Variants in PBX1 observed in about 807,000 individuals in gnomAD.
The protein encoded by PBX1 is pre-B-cell leukemia transcription factor 1.
Under a neutral mutation model 53.4 loss-of-function variants are expected in PBX1, and 6 were observed. The observed-to-expected ratio is 0.11, with a 90% CI of 0.06 to 0.22. PBX1 has a LOEUF of 0.22. Ranked by LOEUF, PBX1 falls within the 10% of genes least tolerant of loss-of-function variation. PBX1 has a pLI of 1.00. For missense variants in PBX1, 251 were observed against 551.4 expected (o/e 0.46, Z 5.46); for synonymous variants, 204 against 212.3 (o/e 0.96, Z 0.34).
intron 2 of PBX1, among the ~76,000 whole-genome samples, chr1:164,766,356 C>T (rs577516056): frequency 4.4e-4 from 67 of 152,260 alleles, no homozygotes; most frequent in African/African-American, 1.6e-3. Flanking sequence ...TTTACAGTTT[C>T]CAGAGCACTT....
At chr1:164,805,268 A>G (rs1027853456) in intron 4 of PBX1, among the ~76,000 whole-genome samples, 3 of 152,234 alleles carry the variant, frequency 2.0e-5, no homozygotes, top group Admixed American at 2.0e-4. Context: ...GCCAAAGCAA[A>G]GAAACCAGGT....
At chr1:164,769,826 C>T (rs1378252467) in intron 2 of PBX1, 1 of 152,196 alleles carries the variant, frequency 6.6e-6, no homozygotes, top group African/African-American at 2.4e-5. Flanking sequence ...CACACTTTCT[C>T]TCTGCTTGCC....
intron 2 of PBX1, among the ~76,000 whole-genome samples, chr1:164,605,839 A>G (rs1656511243): frequency 6.6e-6 from 1 of 152,188 alleles, no homozygotes; most frequent in African/African-American, 2.4e-5. Context: ...ACTCTGCTCA[A>G]AAATAGGTCT....
At chr1:164,668,893 A>C (rs1188681698) in intron 2 of PBX1, among the ~76,000 whole-genome samples, 1 of 152,218 alleles carries the variant, frequency 6.6e-6, no homozygotes. Context: ...GGATTAATTA[A>C]AAATAATGGG....
At chr1:164,872,520 G>T (rs1024349308) in intron 2 of PBX1, among the ~76,000 whole-genome samples, 3 of 152,132 alleles carry the variant, frequency 2.0e-5, no homozygotes, top group Admixed American at 6.5e-5. Context: ...TCCTGATTTT[G>T]TGTATTCAGA....
At chr1:164,649,744 G>A (rs567143851) in intron 2 of PBX1, among the ~76,000 whole-genome samples, 1 of 152,288 alleles carries the variant, frequency 6.6e-6, no homozygotes, top group South Asian at 2.1e-4. Context: ...TTAAACTCAT[G>A]CAACTCAAAA....
At chr1:164,832,112 GC>G (rs1333038293) in intron 8 of PBX1, among the ~76,000 whole-genome samples, 1 of 152,074 alleles carries the variant, frequency 6.6e-6, no homozygotes. Flanking sequence ...TTTGCCTTTT[GC>G]CGTTTCTCCC....
At chr1:164,791,276 A>G (rs769209573) in intron 2 of PBX1, among the ~76,000 whole-genome samples, 4 of 152,140 alleles carry the variant, frequency 2.6e-5, no homozygotes, top group Non-Finnish European at 4.4e-5. Flanking sequence ...AAATCACTGG[A>G]TCTCCTTCAG....
chr1:164,590,649 A>C (rs1389377298), intron 2 of PBX1, among the ~76,000 whole-genome samples: 2 of 152,166 alleles, frequency 1.3e-5, no homozygotes, highest in Non-Finnish European at 2.9e-5. Context: ...GTATGCTTTT[A>C]CCTAGCCCTT....
chr1:164,813,976 T>A (rs1669750826), intron 6 of PBX1: 1 of 152,196 alleles, frequency 6.6e-6, no homozygotes, highest in Admixed American at 6.5e-5. Context: ...TATGGAAAAT[T>A]TGAGCTAAGC....
chr1:164,709,687 C>T (rs1844294), intron 2 of PBX1, among the ~76,000 whole-genome samples: 66,081 of 151,912 alleles, frequency 0.43, 16,186 homozygotes, highest in Middle Eastern at 0.61. Context: ...AGTGGAAGAG[C>T]GAAGGCAGGT....
intron 2 of PBX1, among the ~76,000 whole-genome samples, chr1:164,601,202 C>T (rs969708374): frequency 1.4e-5 from 2 of 139,518 alleles, no homozygotes; most frequent in African/African-American, 5.4e-5. Flanking sequence ...TGCCATTGCA[C>T]TCCAGCCTGG....
chr1:164,857,865 AG>A (rs1672011293), intron 2 of PBX1, among the ~76,000 whole-genome samples: 1 of 152,210 alleles, frequency 6.6e-6, no homozygotes, highest in Admixed American at 6.5e-5. Flanking sequence ...AATTACAGGG[AG>A]GATTAAGTGA....
intron 8 of PBX1, among the ~76,000 whole-genome samples, chr1:164,842,220 G>T (rs1388137673): frequency 6.6e-6 from 1 of 152,266 alleles, no homozygotes; most frequent in East Asian, 1.9e-4. Flanking sequence ...GGGTGGTAGA[G>T]AAAAGGCAGG....
chr1:164,880,733 A>C (rs1367608358), intron 2 of PBX1, among the ~76,000 whole-genome samples: 1 of 152,112 alleles, frequency 6.6e-6, no homozygotes, highest in Non-Finnish European at 1.5e-5. Context: ...GCCCCCTCCC[A>C]AGCCCTCTAG....
rs1672565325 is a variant in PBX1 at position 164,878,343 on chromosome 1, A to G, written n.258-20845A>G. On this transcript the variant is annotated intron_variant and non_coding_transcript_variant, in intron 2 of 2. Coordinates refer to the PBX1 transcript ENST00000558796. ...TGCAATTAAAATAAATTTTTAAAAA[A>G]TAAAAATAAATTGTGCACCAAAATT... 2.0e-5 allele frequency among the ~76,000 whole-genome samples: 3 copies of G among 152,264 alleles called. No individual in the cohort carries two copies. In the South Asian group the frequency reaches 6.2e-4, roughly 31 times the overall value.
intron 8 of PBX1, chr1:164,831,606 G>T (rs9887782): frequency 0.41 from 62,735 of 151,906 alleles, 14,146 homozygotes; most frequent in African/African-American, 0.6. Flanking sequence ...AGCCAGGATG[G>T]TCTCGATCTC....
In PBX1 at chr1:164,559,843, G is replaced by A; in HGVS notation, c.21G>A (p.Leu7=). 6.5e-7 allele frequency: 1 copy of A among 1,549,614 alleles called. No individual in the cohort carries two copies. Among genetic ancestry groups the A allele is most frequent in the Non-Finnish European group, 8.7e-7 (1 of 1,146,592 alleles). The change falls in exon 1 of 9, where the codon CTG becomes CTA. Residue 7 remains leucine, a synonymous_variant. Transcript: ENST00000420696. The part of the protein sequence containing the change: MDEQPR[L]MHSHAGVGMA... Reference sequence around the variant, plus strand: ...TGGAGATGGACGAGCAGCCCAGGCTGATGCATTCCCATGCTGGGGTCGGGA... The same window carrying A: ...TGGAGATGGACGAGCAGCCCAGGCTAATGCATTCCCATGCTGGGGTCGGGA...
intron 2 of PBX1, among the ~76,000 whole-genome samples, chr1:164,777,860 T>G (rs1434844869): frequency 6.6e-6 from 1 of 152,236 alleles, no homozygotes; most frequent in Non-Finnish European, 1.5e-5. Flanking sequence ...TCACATTGGT[T>G]TGCAGAATCT....
Sources: gnomAD v4.1 joint callset for allele counts (sites outside exome capture counted in the v4.1 genomes callset) on GRCh38, gnomAD v4.1.1 for gene constraint, MANE v1.5 for transcripts, NCBI Gene and HGNC (gene_info 2026-07-23, HGNC 2026-07-21) for gene names.